The following MINAR2 variants were observed in gnomAD, a reference collection of about 807,000 sequenced individuals.
The protein encoded by MINAR2 is major intrinsically disordered NOTCH2-binding receptor 1-like.
A neutral mutation model predicts 16.1 loss-of-function variants in MINAR2; 21 were observed. That is an observed-to-expected ratio of 1.31 (90% CI 0.93 to 1.88). MINAR2 has a LOEUF of 1.88. Among genes scored for constraint, MINAR2 ranks in the 40% most tolerant of loss-of-function variants. MINAR2 has a pLI of 0.00. For missense variants in MINAR2, 259 were observed against 229.8 expected, an observed-to-expected ratio of 1.13 and a Z score of -0.82; for synonymous variants, 86 against 83.0, an observed-to-expected ratio of 1.04 and a Z score of -0.20.
intron 1 of MINAR2, among the ~76,000 whole-genome samples, chr5:129,756,792 T>A (rs1758059148): frequency 1.3e-5 from 2 of 151,842 alleles, no homozygotes; most frequent in Admixed American, 1.3e-4. Context: ...TAACTAACTT[T>A]ATTCATTTTC....
intron 1 of MINAR2, among the ~76,000 whole-genome samples, chr5:129,755,514 C>G (rs1758043794): frequency 8.7e-6 from 1 of 114,754 alleles, no homozygotes; most frequent in South Asian, 3.2e-4. Flanking sequence ...CAAATTATCA[C>G]AGGTTTGTTA....
At chr5:129,764,174 T>A (rs1263902634) in intron 2 of MINAR2, among the ~76,000 whole-genome samples, 1 of 152,120 alleles carries the variant, frequency 6.6e-6, no homozygotes, top group Non-Finnish European at 1.5e-5. Context: ...GATAATTCTA[T>A]GGGCCTGAAG....
Position 129,748,220 on chromosome 5 carries a change from C to G in MINAR2, c.30C>G (p.Asn10Lys). The G allele has an allele frequency of 6.5e-7, 1 of 1,535,168 alleles. No homozygotes were observed. The highest frequency in any genetic ancestry group is 8.7e-7 in the Non-Finnish European group (1 of 1,146,530). ...ATCTCTCTGTTTTGCCAAATAACAACCATCCTGACAAATTCCTGCAGCTTG... is the reference window on the plus strand; with the variant it reads ...ATCTCTCTGTTTTGCCAAATAACAAGCATCCTGACAAATTCCTGCAGCTTG... MDLSVLPNN[N>K]HPDKFLQLDV... Residue 10 changes from asparagine (N) to lysine (K), a missense_variant, in exon 1 of 3, where the codon AAC becomes AAG. Transcript: ENST00000564719.
chr5:129,748,343 T>G lies in MINAR2; in HGVS notation c.153T>G (p.Leu51=). The G allele has an allele frequency of 6.5e-7, 1 of 1,534,970 alleles. No individual in the cohort carries two copies. Among genetic ancestry groups the G allele is most frequent in the Non-Finnish European group, 8.7e-7 (1 of 1,146,456 alleles). Residue 51 remains leucine (L), a synonymous_variant, in exon 1 of 3, where the codon CTT becomes CTG. Transcript: ENST00000564719. ...CTGCTGCACAACACTGGCAAAACCTTGTCTACTCACAGGTAAGATCTAGGG... is the reference window on the plus strand; with the variant it reads ...CTGCTGCACAACACTGGCAAAACCTGGTCTACTCACAGGTAAGATCTAGGG... The part of the protein sequence containing the change: ...NYPAAQHWQN[L]VYSQREKKNI...
At position 129,760,580 on chromosome 5, in the gene MINAR2, A is replaced by T. The variant is rs766766604; in HGVS notation, c.368A>T (p.His123Leu). The change falls in exon 2 of 3, where the codon CAC becomes CTC. Residue 123 changes from histidine (H) to leucine (L), a missense_variant. By Grantham distance (99) the His-to-Leu change is moderately conservative (BLOSUM62 -3). Transcript: ENST00000564719. ...GAGGAATATGACAAACATTCCCTGC[A>T]CACAAACCTCTCTGGACATCTGAAG... Reference protein sequence around the residue: ...TIEEYDKHSLHTNLSGHLKEN... With the variant: ...TIEEYDKHSLLTNLSGHLKEN... 8.5e-6 allele frequency: 13 copies of T among 1,535,440 alleles called. No homozygotes were observed. The highest frequency in any genetic ancestry group is 1.1e-5 in the Non-Finnish European group (13 of 1,146,376).
At position 129,765,104 on chromosome 5, in the gene MINAR2, A is replaced by T; in HGVS notation, c.*41A>T. 1 of 1,212,100 alleles carries T rather than the reference A, an allele frequency of 8.3e-7. No individual in the cohort carries two copies. 75.1% of individuals were successfully genotyped at this position (1,212,100 alleles called of 1,614,324 possible). On this transcript the variant is annotated 3_prime_UTR_variant, in exon 3 of 3. Coordinates refer to ENST00000564719, the MANE Select transcript of MINAR2 (RefSeq NM_001257308.2). Reference sequence around the variant, plus strand: ...CAGAGCTACTTTAAATTTCCTAAAAATTTTTCTGATAAACATTTGAAACCC... The same window carrying T: ...CAGAGCTACTTTAAATTTCCTAAAATTTTTTCTGATAAACATTTGAAACCC...
intron 2 of MINAR2, 81 bp from the exon 3 acceptor site, chr5:129,764,803 T>G: frequency 1.4e-6 from 1 of 713,088 alleles, no homozygotes; most frequent in Non-Finnish European, 2.0e-6. Flanking sequence ...CCCATGACAG[T>G]GTCTTGTTCT....
chr5:129,760,453 C>G lies in MINAR2; in HGVS notation c.241C>G (p.Pro81Ala). The change falls in exon 2 of 3, where the codon CCA (proline) becomes GCA (alanine). Residue 81 changes from proline (P) to alanine (A), a missense_variant. Physicochemically the swap from Pro to Ala is conservative, Grantham distance 27 (BLOSUM62 -1). Transcript: ENST00000564719. The part of the protein sequence containing the change: ...ADSLVTADSP[P>A]PSMSSVMKNN... ...CAGCCTTGTCACTGCTGATAGCCCC[C>G]CACCATCCATGTCATCAGTTATGAA... 1 of 1,535,802 alleles carries G rather than the reference C, an allele frequency of 6.5e-7. No individual in the cohort carries two copies. The highest frequency in any genetic ancestry group is 8.7e-7 in the Non-Finnish European group (1 of 1,146,586).
intron 1 of MINAR2, among the ~76,000 whole-genome samples, chr5:129,751,400 G>A (rs1469640951): frequency 6.6e-6 from 1 of 151,926 alleles, no homozygotes; most frequent in Non-Finnish European, 1.5e-5. Context: ...GTAGAGATGG[G>A]GTTTCACCAT....
At chr5:129,748,389 A>G (rs1581286327) in intron 1 of MINAR2, 34 bp downstream of exon 1, 1 of 1,524,590 alleles carries the variant, frequency 6.6e-7, no homozygotes, top group Non-Finnish European at 8.8e-7. Context: ...ACGGGGATGG[A>G]GGCTTGTTTC....
chr5:129,760,193 G>GA (rs1427321181), intron 1 of MINAR2, among the ~76,000 whole-genome samples, 185 bp from the exon 2 acceptor site: 1 of 152,018 alleles, frequency 6.6e-6, no homozygotes, highest in African/African-American at 2.4e-5. Context: ...CACACACAAA[G>GA]AAAAAACTCA....
chr5:129,756,571 G>C (rs1380419478), intron 1 of MINAR2, among the ~76,000 whole-genome samples: 1 of 151,902 alleles, frequency 6.6e-6, no homozygotes, highest in Non-Finnish European at 1.5e-5. Context: ...GAGAACATAC[G>C]ATGTTTGGTT....
In MINAR2 at chr5:129,760,450, C is replaced by T. The variant is rs1206525131; in HGVS notation, c.238C>T (p.Pro80Ser). ...AGACAGCCTTGTCACTGCTGATAGC[C>T]CCCCACCATCCATGTCATCAGTTAT... ...SADSLVTADS[P>S]PPSMSSVMKN... The change falls in exon 2 of 3, where the codon CCC becomes TCC. Residue 80 changes from proline (P) to serine (S), a missense_variant. By Grantham distance (74) the Pro-to-Ser change is moderately conservative (BLOSUM62 -1). Coordinates refer to ENST00000564719, the MANE Select transcript of MINAR2 (RefSeq NM_001257308.2). 4 of 1,535,722 alleles carry T rather than the reference C, an allele frequency of 2.6e-6. No individual in the cohort carries two copies. The highest frequency in any genetic ancestry group is 3.5e-6 in the Non-Finnish European group (4 of 1,146,564).
intron 1 of MINAR2, among the ~76,000 whole-genome samples, chr5:129,751,941 G>A (rs929808801): frequency 2.6e-5 from 4 of 152,042 alleles, no homozygotes; most frequent in East Asian, 1.9e-4. Context: ...CTCAAAAGAA[G>A]ACATTTATGC....
intron 1 of MINAR2, among the ~76,000 whole-genome samples, chr5:129,756,956 A>AC (rs1758062409): frequency 6.8e-6 from 1 of 146,530 alleles, no homozygotes; most frequent in East Asian, 2.0e-4. Flanking sequence ...AAAAAAAAAA[A>AC]AACACACACA....
Position 129,760,475 on chromosome 5 carries a change from T to C in MINAR2, c.263T>C (p.Met88Thr). Residue 88 changes from methionine to threonine, a missense_variant, in exon 2 of 3, where the codon ATG becomes ACG. By Grantham distance (81) the Met-to-Thr change is moderately conservative (BLOSUM62 -1). Transcript: ENST00000564719. ...DSPPPSMSSV[M>T]KNNPLYGDLS... ...CCCCCACCATCCATGTCATCAGTTA[T>C]GAAGAATAACCCACTCTATGGTGAC... 2 of 1,535,812 alleles carry C rather than the reference T, an allele frequency of 1.3e-6. No homozygotes were observed. Among genetic ancestry groups the C allele is most frequent in the Non-Finnish European group, 1.7e-6 (2 of 1,146,598 alleles).
chr5:129,761,412 A>C (rs1372131207), intron 2 of MINAR2, among the ~76,000 whole-genome samples: 2 of 151,318 alleles, frequency 1.3e-5, no homozygotes, highest in African/African-American at 4.9e-5. Context: ...TACCTTAAGC[A>C]CTCGAGAATT....
At chr5:129,750,299 C>T (rs1227957268) in intron 1 of MINAR2, among the ~76,000 whole-genome samples, 2 of 152,116 alleles carry the variant, frequency 1.3e-5, no homozygotes, top group East Asian at 1.9e-4. Flanking sequence ...CATGATACCA[C>T]GATAGCATGC....
At chr5:129,756,635 TC>T (rs1758057561) in intron 1 of MINAR2, among the ~76,000 whole-genome samples, 1 of 151,978 alleles carries the variant, frequency 6.6e-6, no homozygotes, top group African/African-American at 2.4e-5. Context: ...TCACCCAGGT[TC>T]TTTATTCTTA....
Sources: gnomAD v4.1 joint callset for allele counts (sites outside exome capture counted in the v4.1 genomes callset) on GRCh38, gnomAD v4.1.1 for gene constraint, MANE v1.5 for transcripts, NCBI Gene and HGNC (gene_info 2026-07-23, HGNC 2026-07-21) for gene names.